The following ZFR variants were observed in gnomAD, a reference collection of about 807,000 sequenced individuals.
ZFR encodes the protein zinc finger RNA-binding protein.
ZFR carries 19 observed loss-of-function variants against 130.7 expected under a neutral mutation model. The ratio of observed to expected loss-of-function variants is 0.15; its 90% CI spans 0.10 to 0.21. The LOEUF (loss-of-function observed/expected upper bound fraction) is 0.21, where lower values mean the gene tolerates loss of function less well. ZFR is among the 10% of genes least tolerant of loss of function. The pLI, the probability that ZFR is intolerant of heterozygous loss-of-function variation, is 1.00. For missense variants in ZFR, 872 were observed against 1,321.5 expected (o/e 0.66, Z 5.27); for synonymous variants, 466 against 456.9 (o/e 1.02, Z -0.25).
At position 32,355,728 on chromosome 5, in the gene ZFR, T is replaced by G; in HGVS notation, c.*32A>C. 1 of 1,529,368 alleles carries G rather than the reference T, an allele frequency of 6.5e-7. No individual in the cohort carries two copies. Among genetic ancestry groups the G allele is most frequent in the Non-Finnish European group, 8.8e-7 (1 of 1,140,860 alleles). The allele number at this position is 1,529,368 out of a possible 1,614,324, so 94.7% of individuals were successfully genotyped here. A position where few individuals can be genotyped will look rare whatever the true frequency, so the allele number is the denominator to read the frequency against. On this transcript the variant is annotated 3_prime_UTR_variant, in exon 20 of 20. Transcript: ENST00000265069. ...AAAACAGCCAACAAATGGGCATCTG[T>G]TTTTTTAACACTGAAGATTTACAGA...
chr5:32,434,184 A>G lies in ZFR; in HGVS notation c.137+10045T>C, dbSNP rs75922538. Among the ~76,000 whole-genome samples, 541 of 152,384 alleles carry G rather than the reference A, an allele frequency of 3.6e-3. 4 individuals are homozygous for G. Among genetic ancestry groups the G allele is most frequent in the Non-Finnish European group, 6.4e-3 (436 of 68,040 alleles). ...ACGAAGTCCCTTCTAGTGAATGACT[A>G]ACTGAATGAGAATGGCATATTTCCT... On this transcript the variant is annotated intron_variant, in intron 2 of 19. Transcript: ENST00000265069.
At chr5:32,441,806 T>C (rs1425305581) in intron 2 of ZFR, among the ~76,000 whole-genome samples, 1 of 152,236 alleles carries the variant, frequency 6.6e-6, no homozygotes. Context: ...ATGTACTATG[T>C]TTATATACAA....
rs749472536 is a variant in ZFR, at chr5:32,419,978, G to C, written c.263C>G (p.Ala88Gly). 1.2e-6 allele frequency: 2 copies of C among 1,613,966 alleles called. No homozygotes were observed. Among genetic ancestry groups the C allele is most frequent in the Non-Finnish European group, 1.7e-6 (2 of 1,180,014 alleles). Residue 88 changes from alanine (A) to glycine (G), a missense_variant, in exon 3 of 20, where the codon GCA becomes GGA. By Grantham distance (60) the Ala-to-Gly change is moderately conservative. Transcript: ENST00000265069. ...AAYAPAAATV[A>G]VARPAPVAVA... is the part of the protein sequence containing the mutation. ...AGCTACTGGAGCAGGCCTGGCAACT[G>C]CAACTGTGGCGGCTGCTGGTGCATA...
intron 6 of ZFR, among the ~76,000 whole-genome samples, chr5:32,406,495 G>A (rs976888663): frequency 6.6e-6 from 1 of 152,034 alleles, no homozygotes; most frequent in African/African-American, 2.4e-5. Context: ...CAATTAATTT[G>A]ACTACAAAAT....
At chr5:32,425,225 T>C (rs1451024997) in intron 2 of ZFR, among the ~76,000 whole-genome samples, 1 of 152,204 alleles carries the variant, frequency 6.6e-6, no homozygotes, top group African/African-American at 2.4e-5. Flanking sequence ...TGGGGAGTTT[T>C]TAATTTGTAT....
chr5:32,441,174 G>A (rs568636185), intron 2 of ZFR, among the ~76,000 whole-genome samples: 4 of 152,218 alleles, frequency 2.6e-5, no homozygotes, highest in South Asian at 2.1e-4. Context: ...ACCGGGTTTC[G>A]CCATGTTGGT....
chr5:32,369,502 AAAC>A (rs1752614248), intron 17 of ZFR, among the ~76,000 whole-genome samples: 1 of 152,152 alleles, frequency 6.6e-6, no homozygotes, highest in South Asian at 2.1e-4. Context: ...AAACAAAACA[AAAC>A]AAAACAAAAC....
intron 1 of ZFR, 118 bp from the exon 2 acceptor site, chr5:32,444,446 G>A: frequency 7.7e-7 from 1 of 1,302,474 alleles, no homozygotes; most frequent in Admixed American, 3.3e-5. Flanking sequence ...CCCTGGCGGG[G>A]CCCAGGCCGC....
chr5:32,429,076 C>G (rs971208910), intron 2 of ZFR, among the ~76,000 whole-genome samples: 4 of 146,322 alleles, frequency 2.7e-5, no homozygotes, highest in African/African-American at 1.0e-4. Flanking sequence ...AGCTCCACCT[C>G]CCGGGTTCAC....
intron 11 of ZFR, among the ~76,000 whole-genome samples, chr5:32,392,003 GA>G (rs1224543768): frequency 6.6e-6 from 1 of 152,164 alleles, no homozygotes; most frequent in Non-Finnish European, 1.5e-5. Flanking sequence ...AAAGTGCTGG[GA>G]TTACAGGCAG....
intron 11 of ZFR, among the ~76,000 whole-genome samples, chr5:32,392,876 T>C (rs1753213841): frequency 6.6e-6 from 1 of 152,076 alleles, no homozygotes; most frequent in Non-Finnish European, 1.5e-5. Context: ...GTGCCTGTAA[T>C]CCCAACTACT....
At chr5:32,427,084 C>A (rs1486179222) in intron 2 of ZFR, among the ~76,000 whole-genome samples, 4 of 151,804 alleles carry the variant, frequency 2.6e-5, no homozygotes, top group Non-Finnish European at 4.4e-5. Flanking sequence ...AATAAACAGG[C>A]AATTAAGAAA....
rs545358653 is a variant in ZFR at position 32,373,583 on chromosome 5, A to G, written c.2835+5532T>C. Among the ~76,000 whole-genome samples, 5 of 152,238 alleles carry G rather than the reference A, an allele frequency of 3.3e-5. No homozygotes were observed. In the East Asian group the frequency reaches 7.7e-4, roughly 23 times the overall value. On this transcript the variant is annotated intron_variant, in intron 17 of 19. Transcript: ENST00000265069. ...TCTAACTCAAGAAATTTGTAAAATA[A>G]TAACAGAAAACCCCAAGGAAAATAA... is the stretch of plus-strand genomic sequence containing the variant.
intron 2 of ZFR, among the ~76,000 whole-genome samples, chr5:32,442,947 G>A (rs965600233): frequency 3.4e-4 from 49 of 143,624 alleles, no homozygotes; most frequent in African/African-American, 9.9e-4. Context: ...GGCTCATGCC[G>A]GTAATCCTAG....
Position 32,406,825 on chromosome 5 carries a change from T to C in ZFR, c.981A>G (p.Pro327=). The C allele has an allele frequency of 6.2e-7, 1 of 1,613,906 alleles. No homozygotes were observed. The change falls in exon 6 of 20, where the codon CCA becomes CCG. Residue 327 remains proline (P), a synonymous_variant. Coordinates refer to ENST00000265069, the MANE Select transcript of ZFR (RefSeq NM_016107.5). ...KQLKPKQPPK[P]PQIHYCDVCK... ...AAACATCACAATAGTGAATCTGTGG[T>C]GGTTTGGGAGGCTGTTTTGGTTTCA...
intron 17 of ZFR, among the ~76,000 whole-genome samples, chr5:32,378,817 T>C (rs1311687759): frequency 1.3e-5 from 2 of 151,802 alleles, no homozygotes; most frequent in Non-Finnish European, 2.9e-5. Flanking sequence ...GTCTTCTTTA[T>C]ACATTTGTAT....
chr5:32,399,274 C>CAA (rs1554072653), intron 9 of ZFR, among the ~76,000 whole-genome samples: 8 of 147,806 alleles, frequency 5.4e-5, no homozygotes, highest in Non-Finnish European at 1.2e-4. Context: ...GACTCTGTCT[C>CAA]AAACAAAAAC....
intron 15 of ZFR, chr5:32,380,524 T>C (rs1752910948): frequency 1.2e-5 from 2 of 172,210 alleles, no homozygotes; most frequent in East Asian, 2.9e-4. Flanking sequence ...CTACTGAGTT[T>C]GTTCAGTACT....
intron 10 of ZFR, 48 bp downstream of exon 10, chr5:32,397,171 G>C: frequency 6.4e-7 from 1 of 1,555,496 alleles, no homozygotes; most frequent in Non-Finnish European, 8.7e-7. Context: ...GGGTGTTTTT[G>C]TTTTTGTTTT....
Sources: gnomAD v4.1 joint callset for allele counts (sites outside exome capture counted in the v4.1 genomes callset) on GRCh38, gnomAD v4.1.1 for gene constraint, MANE v1.5 for transcripts, NCBI Gene and HGNC (gene_info 2026-07-23, HGNC 2026-07-21) for gene names.